TESC: variants seen among roughly 807,000 people sequenced by gnomAD.
The protein encoded by TESC is calcineurin B homologous protein 3.
TESC carries 19 observed loss-of-function variants against 31.0 expected under a neutral mutation model. That is an observed-to-expected ratio of 0.61 (90% CI 0.43 to 0.90). TESC has a LOEUF of 0.90. TESC is among the 40% of genes least tolerant of loss of function. The probability of loss-of-function intolerance (pLI) is 0.00; values close to 1 mark genes in which losing one functional copy is unlikely to be tolerated. For synonymous variants in TESC, 109 were observed against 114.8 expected (o/e 0.95, Z 0.32); for missense variants, 248 against 303.8 (o/e 0.82, Z 1.36).
At chr12:117,048,132 G>C (rs918074298) in intron 4 of TESC, among the ~76,000 whole-genome samples, 2 of 152,296 alleles carry the variant, frequency 1.3e-5, no homozygotes, top group Admixed American at 6.5e-5. Flanking sequence ...AAGAGGCCAG[G>C]GATGCCTGAG....
At position 117,078,420 on chromosome 12, in the gene TESC, C is replaced by T. The variant is rs11068321; in HGVS notation, c.59-3080G>A. 5.5e-3 allele frequency among the ~76,000 whole-genome samples: 830 copies of T among 152,166 alleles called. 7 individuals carry two copies. The highest frequency in any genetic ancestry group is 0.019 in the African/African-American group (795 of 41,486). On this transcript the variant is annotated intron_variant, in intron 1 of 7. Coordinates refer to ENST00000335209, the MANE Select transcript of TESC (RefSeq NM_017899.4). ...GGCGGAGGTTGCAGTGAGCCAAAAT[C>T]GCACCACTGCACTCCAGCCTTGGCA...
intron 7 of TESC, among the ~76,000 whole-genome samples, chr12:117,040,107 G>A (rs1039979260): frequency 2.0e-5 from 3 of 152,246 alleles, no homozygotes; most frequent in African/African-American, 4.8e-5. Context: ...GGTAACGGGG[G>A]AAAGTCAGAG....
intron 4 of TESC, chr12:117,048,807 C>T (rs2135752053): frequency 1.3e-6 from 1 of 766,480 alleles, no homozygotes; most frequent in Admixed American, 2.0e-5. Context: ...CAGGAAGCCA[C>T]AAGCTGCTGA....
rs557165933 is a variant in TESC, at chr12:117,040,588, C to T, written c.567+1359G>A. Among the ~76,000 whole-genome samples, 22 of 149,556 alleles carry T rather than the reference C, an allele frequency of 1.5e-4. No homozygotes were observed. The South Asian group carries it at 3.3e-3, about 22-fold the overall frequency. On this transcript the variant is annotated intron_variant, in intron 7 of 7. Transcript: ENST00000335209. Reference sequence around the variant, plus strand: ...CATTCTGTTGTCTTGCTCTGGCGGGCGTCACCTTCTCTGGTGACCGGGTCC... The same window carrying T: ...CATTCTGTTGTCTTGCTCTGGCGGGTGTCACCTTCTCTGGTGACCGGGTCC...
intron 2 of TESC, among the ~76,000 whole-genome samples, chr12:117,068,828 G>A (rs750089535): frequency 6.6e-5 from 10 of 152,226 alleles, no homozygotes; most frequent in Non-Finnish European, 1.2e-4. Context: ...ATTCCATAGC[G>A]TCTATTTCTG....
At chr12:117,061,298 G>A (rs1047333599) in intron 2 of TESC, among the ~76,000 whole-genome samples, 3 of 152,118 alleles carry the variant, frequency 2.0e-5, no homozygotes, top group Non-Finnish European at 1.5e-5. Flanking sequence ...AGCGAATAAT[G>A]AAGCGAATAA....
intron 1 of TESC, among the ~76,000 whole-genome samples, chr12:117,097,441 T>A (rs1955410131): frequency 6.6e-6 from 1 of 152,060 alleles, no homozygotes; most frequent in Non-Finnish European, 1.5e-5. Context: ...AATTCCCGAG[T>A]GCCCCGTGGG....
At position 117,056,886 on chromosome 12, in the gene TESC, G is replaced by A; in HGVS notation, c.129C>T (p.Arg43=). The A allele has an allele frequency of 2.5e-6, 4 of 1,614,058 alleles. No homozygotes were observed. Among genetic ancestry groups the A allele is most frequent in the Non-Finnish European group, 2.5e-6 (3 of 1,179,952 alleles). ...CCGGGACATTGTTGAAGTTCTCCTT[G>A]CTGGTTTCCAAGAAGGAGAGATACC... The part of the protein sequence containing the change: ...KQLSGDQPTI[R]KENFNNVPDL... The change falls in exon 3 of 8, where the codon CGC becomes CGT. Residue 43 remains arginine (R), a splice_region_variant and synonymous_variant. Coordinates refer to ENST00000335209, the MANE Select transcript of TESC (RefSeq NM_017899.4).
At chr12:117,078,584 C>T (rs1955104104) in intron 1 of TESC, among the ~76,000 whole-genome samples, 1 of 152,132 alleles carries the variant, frequency 6.6e-6, no homozygotes, top group Admixed American at 6.6e-5. Flanking sequence ...AGGTATACTG[C>T]CTTTAACAGT....
At chr12:117,087,085 TGATGCTG>T (rs1294854539) in intron 1 of TESC, among the ~76,000 whole-genome samples, 9 of 152,222 alleles carry the variant, frequency 5.9e-5, no homozygotes, top group African/African-American at 2.2e-4. Flanking sequence ...GGGCACTTCA[TGATGCTG>T]GATGCTGGCT....
chr12:117,040,522 T>C (rs913218524), intron 7 of TESC, among the ~76,000 whole-genome samples: 46 of 152,046 alleles, frequency 3.0e-4, no homozygotes, highest in Admixed American at 1.4e-3. Context: ...CAGCGATACT[T>C]CCTCCCCAAC....
chr12:117,078,454 A>G (rs1955102093), intron 1 of TESC, among the ~76,000 whole-genome samples: 1 of 152,146 alleles, frequency 6.6e-6, no homozygotes, highest in South Asian at 2.1e-4. Context: ...CAAGAGAACG[A>G]GACTCTGCCT....
intron 1 of TESC, among the ~76,000 whole-genome samples, chr12:117,090,608 G>C (rs545145193): frequency 6.6e-6 from 1 of 152,288 alleles, no homozygotes; most frequent in African/African-American, 2.4e-5. Flanking sequence ...GGGAGGCAAA[G>C]TGCTTTGCCT....
intron 1 of TESC, among the ~76,000 whole-genome samples, chr12:117,078,612 A>G (rs1237581493): frequency 6.6e-6 from 1 of 152,226 alleles, no homozygotes; most frequent in Admixed American, 6.5e-5. Flanking sequence ...GTGTATTTGC[A>G]TAGAAATACA....
intron 1 of TESC, among the ~76,000 whole-genome samples, chr12:117,076,390 C>T (rs972159615): frequency 6.6e-6 from 1 of 152,184 alleles, no homozygotes; most frequent in African/African-American, 2.4e-5. Flanking sequence ...AAACAATGAT[C>T]TGCATTTCTC....
At chr12:117,075,950 C>CAT (rs113707120) in intron 1 of TESC, among the ~76,000 whole-genome samples, 10,374 of 47,238 alleles carry the variant, frequency 0.22, 1,138 homozygotes, top group African/African-American at 0.32. Context: ...TGTATATATA[C>CAT]ATATATATAT....
chr12:117,086,283 A>C (rs1472340860), intron 1 of TESC, among the ~76,000 whole-genome samples: 1 of 149,924 alleles, frequency 6.7e-6, no homozygotes, highest in Non-Finnish European at 1.5e-5. Context: ...TTTTTTTTTA[A>C]TAGGGATGGG....
At position 117,041,997 on chromosome 12, in the gene TESC, G is replaced by A. The variant is rs374162553; in HGVS notation, c.520-3C>T. ...CCCTCGTACACCTGATCAGGCTCCT[G>A]GGGACGGAAGCACAGGGTGGACAGT... On this transcript the variant is annotated splice_region_variant and splice_polypyrimidine_tract_variant and intron_variant, in intron 6 of 7. Coordinates refer to ENST00000335209, the MANE Select transcript of TESC (RefSeq NM_017899.4). 7.4e-4 allele frequency: 1,173 copies of A among 1,593,082 alleles called. 15 individuals carry two copies. Among genetic ancestry groups the A allele is most frequent in the Non-Finnish European group, 7.6e-5 (89 of 1,169,376 alleles).
chr12:117,075,779 C>T (rs1955044233), intron 1 of TESC, among the ~76,000 whole-genome samples: 1 of 148,122 alleles, frequency 6.8e-6, no homozygotes, highest in Non-Finnish European at 1.5e-5. Flanking sequence ...ATCCTCCCAC[C>T]TTGGCCTCCT....
Sources: allele counts gnomAD v4.1 joint callset (sites outside exome capture counted in the v4.1 genomes callset), GRCh38; gene constraint gnomAD v4.1.1; transcripts MANE v1.5; gene names NCBI Gene and HGNC (gene_info 2026-07-23, HGNC 2026-07-21).